Variants in MOB1B observed in about 807,000 individuals in gnomAD.
The protein encoded by MOB1B is MOB kinase activator 1B.
In MOB1B, 19 loss-of-function variants were observed where a neutral mutation model predicts 24.4. That is an observed-to-expected ratio of 0.78 (90% confidence interval 0.54 to 1.14). The LOEUF is 1.14. Ranked by LOEUF, MOB1B falls within the 50% of genes most tolerant of loss-of-function variation. The pLI is 0.00. For synonymous variants in MOB1B, 76 were observed against 82.1 expected, an observed-to-expected ratio of 0.93 and a Z score of 0.40; for missense variants, 243 against 259.6, an observed-to-expected ratio of 0.94 and a Z score of 0.44.
chr4:70,931,545 A>G, intron 1 of MOB1B, among the ~76,000 whole-genome samples: 1 of 152,094 alleles, frequency 6.6e-6, no homozygotes, highest in East Asian at 1.9e-4. Flanking sequence ...TAAATAGATT[A>G]CCTTTAGTGA....
chr4:70,939,394 C>A (rs766309962), intron 1 of MOB1B, among the ~76,000 whole-genome samples: 43 of 152,226 alleles, frequency 2.8e-4, no homozygotes, highest in Non-Finnish European at 4.9e-4. Flanking sequence ...AAAACCCAAT[C>A]CTAGTCTGGG....
intron 1 of MOB1B, among the ~76,000 whole-genome samples, chr4:70,938,072 C>T (rs1462298303): frequency 2.0e-5 from 3 of 150,844 alleles, no homozygotes; most frequent in Admixed American, 6.6e-5. Flanking sequence ...TTACTTTTTT[C>T]GATTTTGGTG....
chr4:70,969,794 G>T, intron 2 of MOB1B, 137 bp from the exon 3 acceptor site: 308 of 398,886 alleles, frequency 7.7e-4, no homozygotes, highest in Non-Finnish European at 9.1e-4. Flanking sequence ...TCAATGTATT[G>T]ATACTTCTGT....
rs796435124 is a variant in MOB1B, at chr4:70,941,424, C to A, written c.15-17450C>A. Among the ~76,000 whole-genome samples the A allele has an allele frequency of 2.4e-4, 36 of 150,842 alleles. 1 individual carries two copies. Among genetic ancestry groups the A allele is most frequent in the African/African-American group, 8.8e-4 (36 of 41,040 alleles). On this transcript the variant is annotated intron_variant, in intron 1 of 5. Coordinates refer to ENST00000309395, the MANE Select transcript of MOB1B (RefSeq NM_173468.4). ...TGTGGTGATCTCGGCTCACTGAAAGCTCCGCCTCCTGGGTTCACGCCATTC... is the reference window on the plus strand; with the variant it reads ...TGTGGTGATCTCGGCTCACTGAAAGATCCGCCTCCTGGGTTCACGCCATTC...
At position 70,973,390 on chromosome 4, in the gene MOB1B, C is replaced by T. The variant is rs150415563; in HGVS notation, c.276-1763C>T. Among the ~76,000 whole-genome samples the T allele has an allele frequency of 1.9e-3, 278 of 149,108 alleles. 1 individual carries two copies. The highest frequency in any genetic ancestry group is 6.5e-3 in the African/African-American group (261 of 40,396). On this transcript the variant is annotated intron_variant, in intron 3 of 5. Transcript: ENST00000309395. ...GAGGCCAAGATGGGAGGATTGCTTG[C>T]GCCCAGGAGTTCAAGGGTGCGGTGA... is the stretch of plus-strand genomic sequence containing the variant.
chr4:70,935,956 A>T (rs1737067196), intron 1 of MOB1B, among the ~76,000 whole-genome samples: 1 of 143,204 alleles, frequency 7.0e-6, no homozygotes, highest in South Asian at 2.2e-4. Context: ...GGTTCACGCC[A>T]TTCTCCTGCC....
At chr4:70,947,720 T>A (rs1484151231) in intron 1 of MOB1B, among the ~76,000 whole-genome samples, 1 of 151,128 alleles carries the variant, frequency 6.6e-6, no homozygotes, top group Non-Finnish European at 1.5e-5. Context: ...TCAACACCCC[T>A]AGGCTCCTGC....
rs149493165 is a variant in MOB1B, at chr4:70,947,124, G to T, written c.15-11750G>T. On this transcript the variant is annotated intron_variant, in intron 1 of 5. Coordinates refer to ENST00000309395, the MANE Select transcript of MOB1B (RefSeq NM_173468.4). ...AGAAAGACAGGATCTGAAACTGGCC[G>T]TGAAATATCAGACAAATTACACAAT... Among the ~76,000 whole-genome samples the T allele has an allele frequency of 9.8e-4, 149 of 152,280 alleles. 1 individual carries two copies. Among genetic ancestry groups the T allele is most frequent in the East Asian group, 9.3e-3 (48 of 5,188 alleles).
At chr4:70,943,298 C>T (rs1055320338) in intron 1 of MOB1B, among the ~76,000 whole-genome samples, 1 of 152,124 alleles carries the variant, frequency 6.6e-6, no homozygotes, top group Admixed American at 6.5e-5. Context: ...CTGCTTTTTG[C>T]ACTTGGTGCT....
At chr4:70,964,882 A>AT (rs1179951582) in intron 2 of MOB1B, among the ~76,000 whole-genome samples, 1 of 151,658 alleles carries the variant, frequency 6.6e-6, no homozygotes, top group Non-Finnish European at 1.5e-5. Context: ...GTGAGCTGAG[A>AT]TTGCACCATT....
intron 1 of MOB1B, among the ~76,000 whole-genome samples, chr4:70,928,461 A>G (rs935705466): frequency 6.6e-6 from 1 of 151,746 alleles, no homozygotes; most frequent in African/African-American, 2.4e-5. Context: ...ATGCCCGGCT[A>G]ATTTTTTGTA....
chr4:70,919,696 C>T (rs760520136), intron 1 of MOB1B, among the ~76,000 whole-genome samples: 1 of 152,068 alleles, frequency 6.6e-6, no homozygotes, highest in African/African-American at 2.4e-5. Flanking sequence ...ACAGGGTTTC[C>T]CCATGTTGGC....
chr4:70,958,635 T>G (rs570036765), intron 1 of MOB1B: 2 of 577,392 alleles, frequency 3.5e-6, no homozygotes, highest in African/African-American at 3.7e-5. Context: ...TACTTTTTTG[T>G]TTTTTCATTA....
chr4:70,939,489 C>A (rs1443233016), intron 1 of MOB1B, among the ~76,000 whole-genome samples: 1 of 152,180 alleles, frequency 6.6e-6, no homozygotes, highest in African/African-American at 2.4e-5. Context: ...TCAAGACCAG[C>A]CTGGCCAACG....
intron 1 of MOB1B, among the ~76,000 whole-genome samples, chr4:70,940,435 C>G (rs1737281362): frequency 1.3e-5 from 2 of 152,096 alleles, no homozygotes. Flanking sequence ...CAGAAAACAA[C>G]ACAAACCACC....
chr4:70,923,959 T>C (rs1438783525), intron 1 of MOB1B, among the ~76,000 whole-genome samples: 7 of 49,190 alleles, frequency 1.4e-4, no homozygotes, highest in African/African-American at 5.3e-4. Flanking sequence ...AAAAAAAAAT[T>C]AGACTCAAAA....
At chr4:70,938,783 T>G (rs1737199323) in intron 1 of MOB1B, among the ~76,000 whole-genome samples, 1 of 151,782 alleles carries the variant, frequency 6.6e-6, no homozygotes, top group Admixed American at 6.6e-5. Flanking sequence ...TTGGGTTTTT[T>G]TTTTTTTTTT....
intron 3 of MOB1B, among the ~76,000 whole-genome samples, chr4:70,974,088 T>G (rs1738878637): frequency 6.6e-6 from 1 of 152,144 alleles, no homozygotes; most frequent in Non-Finnish European, 1.5e-5. Context: ...TAGAGATTTT[T>G]CCACTTTGGA....
At chr4:70,938,567 A>G (rs1235828077) in intron 1 of MOB1B, among the ~76,000 whole-genome samples, 1 of 151,874 alleles carries the variant, frequency 6.6e-6, no homozygotes, top group Non-Finnish European at 1.5e-5. Context: ...GTTTTTCCTC[A>G]GGGTTGGGGT....
Sources: allele counts gnomAD v4.1 joint callset (sites outside exome capture counted in the v4.1 genomes callset), GRCh38; gene constraint gnomAD v4.1.1; transcripts MANE v1.5; gene names NCBI Gene and HGNC (gene_info 2026-07-23, HGNC 2026-07-21).